DOCK2: variants seen among roughly 807,000 people sequenced by gnomAD.
DOCK2 encodes the protein dedicator of cytokinesis protein 2.
Under a neutral mutation model 248.9 loss-of-function variants are expected in DOCK2, and 87 were observed. That is an observed-to-expected ratio of 0.35 (90% CI 0.29 to 0.42). The LOEUF (loss-of-function observed/expected upper bound fraction) is 0.42, where lower values mean the gene tolerates loss of function less well. Ranked by LOEUF, DOCK2 falls within the 10% of genes least tolerant of loss-of-function variation. The probability of loss-of-function intolerance (pLI) is 1.00; values close to 1 mark genes in which losing one functional copy is unlikely to be tolerated. For synonymous variants in DOCK2, 805 were observed against 821.6 expected (o/e 0.98, Z 0.35); for missense variants, 1,747 against 2,300.2 (o/e 0.76, Z 4.92).
chr5:169,640,111 G>A (rs1001308491), intron 1 of DOCK2, among the ~76,000 whole-genome samples: 1 of 152,154 alleles, frequency 6.6e-6, no homozygotes, highest in Non-Finnish European at 1.5e-5. Context: ...CACCCTAAAG[G>A]ACTCATTTTA....
intron 27 of DOCK2, among the ~76,000 whole-genome samples, chr5:169,971,244 A>C (rs373840847): frequency 4.6e-5 from 7 of 151,982 alleles, no homozygotes; most frequent in Admixed American, 2.0e-4. Context: ...TGAATCAATG[A>C]AGTATCATTC....
chr5:169,701,338 A>G (rs1366938753), intron 13 of DOCK2, among the ~76,000 whole-genome samples: 3 of 152,062 alleles, frequency 2.0e-5, no homozygotes, highest in Non-Finnish European at 2.9e-5. Context: ...TGTGTCTTAA[A>G]CCTGTGTCTT....
At chr5:169,845,160 A>G (rs556308388) in intron 27 of DOCK2, among the ~76,000 whole-genome samples, 60 of 148,618 alleles carry the variant, frequency 4.0e-4, no homozygotes, top group African/African-American at 1.4e-3. Context: ...CTGCCATCCT[A>G]GATCTCAAGC....
At chr5:170,023,521 C>G (rs955734724) in intron 33 of DOCK2, among the ~76,000 whole-genome samples, 34 of 152,210 alleles carry the variant, frequency 2.2e-4, no homozygotes, top group African/African-American at 7.0e-4. Flanking sequence ...TATTTAACCT[C>G]TCTCAGCCTC....
intron 30 of DOCK2, among the ~76,000 whole-genome samples, chr5:170,003,040 T>G (rs892764285): frequency 2.6e-5 from 4 of 152,190 alleles, no homozygotes; most frequent in Non-Finnish European, 5.9e-5. Flanking sequence ...GAGCATGGAA[T>G]TAGAGATACA....
At chr5:169,676,256 AAGATCCTAT>A (rs1759329956) in intron 6 of DOCK2, among the ~76,000 whole-genome samples, 1 of 152,048 alleles carries the variant, frequency 6.6e-6, no homozygotes, top group Non-Finnish European at 1.5e-5. Flanking sequence ...CCTATTGTGG[AAGATCCTAT>A]AGATGTTGAC....
At chr5:170,041,633 C>A (rs1756522491) in intron 37 of DOCK2, among the ~76,000 whole-genome samples, 1 of 152,196 alleles carries the variant, frequency 6.6e-6, no homozygotes, top group Admixed American at 6.5e-5. Context: ...AATTGCAGCC[C>A]AGCATCTCTC....
At chr5:169,913,535 A>G (rs1774718032) in intron 27 of DOCK2, among the ~76,000 whole-genome samples, 1 of 152,228 alleles carries the variant, frequency 6.6e-6, no homozygotes, top group Admixed American at 6.5e-5. Flanking sequence ...TGCATTACTC[A>G]AAAGGAGCTC....
intron 25 of DOCK2, among the ~76,000 whole-genome samples, chr5:169,802,241 A>G (rs1255821203): frequency 1.3e-5 from 2 of 152,194 alleles, no homozygotes; most frequent in Non-Finnish European, 2.9e-5. Flanking sequence ...AGCTCACTGC[A>G]ACCTCCATTT....
chr5:169,818,931 A>G (rs923125189), intron 26 of DOCK2, among the ~76,000 whole-genome samples: 5 of 152,190 alleles, frequency 3.3e-5, no homozygotes, highest in African/African-American at 1.2e-4. Flanking sequence ...TTAATTATTC[A>G]TGCATACTTT....
rs115280224 is a variant in DOCK2 at position 169,940,079 on chromosome 5, G to A, written c.2800-42989G>A. Among the ~76,000 whole-genome samples, 249 of 152,314 alleles carry A rather than the reference G, an allele frequency of 1.6e-3. 2 individuals carry two copies. Among genetic ancestry groups the A allele is most frequent in the African/African-American group, 5.7e-3 (237 of 41,562 alleles). ...CATCTAGAGCCCTGGTGACGGCTGT[G>A]GGTGGGGAGAGGGGTGATTAGGGTC... On this transcript the variant is annotated intron_variant, in intron 27 of 51. Transcript: ENST00000520908.
chr5:169,978,661 T>C (rs1220474942), intron 27 of DOCK2, among the ~76,000 whole-genome samples: 1 of 152,068 alleles, frequency 6.6e-6, no homozygotes, highest in African/African-American at 2.4e-5. Flanking sequence ...CTCACTCTTT[T>C]CCTTTGGAGC....
At chr5:169,687,404 C>T (rs1442230662) in intron 8 of DOCK2, among the ~76,000 whole-genome samples, 5 of 152,110 alleles carry the variant, frequency 3.3e-5, no homozygotes, top group African/African-American at 7.2e-5. Flanking sequence ...CCTGCTTGAA[C>T]TCTGCTCAGT....
intron 1 of DOCK2, among the ~76,000 whole-genome samples, chr5:169,642,819 C>G (rs557749630): frequency 2.6e-5 from 4 of 152,194 alleles, no homozygotes; most frequent in Admixed American, 2.6e-4. Context: ...TTTGAATGAG[C>G]CTTGAAGACA....
At position 169,965,823 on chromosome 5, in the gene DOCK2, A is replaced by G. The variant is rs180917781; in HGVS notation, c.2800-17245A>G. 5.8e-3 allele frequency among the ~76,000 whole-genome samples: 886 copies of G among 152,302 alleles called. 3 individuals are homozygous for G. Among genetic ancestry groups the G allele is most frequent in the Non-Finnish European group, 8.4e-3 (573 of 68,024 alleles). On this transcript the variant is annotated intron_variant, in intron 27 of 51. Transcript: ENST00000520908. Reference sequence around the variant, plus strand: ...CTATAGAGGTTAAAATATTCACCCAAAATCATTTAACTCATTGATGGCAAA... The same window carrying G: ...CTATAGAGGTTAAAATATTCACCCAGAATCATTTAACTCATTGATGGCAAA...
At chr5:169,849,829 ACT>A (rs1770526863) in intron 27 of DOCK2, among the ~76,000 whole-genome samples, 1 of 152,012 alleles carries the variant, frequency 6.6e-6, no homozygotes, top group African/African-American at 2.4e-5. Flanking sequence ...AGACCTTTCA[ACT>A]CTAAATGCTT....
chr5:169,912,832 G>A (rs1165893748), intron 27 of DOCK2, among the ~76,000 whole-genome samples: 2 of 152,060 alleles, frequency 1.3e-5, no homozygotes, highest in Non-Finnish European at 2.9e-5. Context: ...TTTTTTCTAG[G>A]AGGTACTTCT....
intron 29 of DOCK2, among the ~76,000 whole-genome samples, chr5:169,990,959 G>A (rs747149542): frequency 3.9e-5 from 6 of 152,262 alleles, no homozygotes; most frequent in African/African-American, 4.8e-5. Flanking sequence ...AACAACAACA[G>A]CTGACATGTA....
intron 27 of DOCK2, among the ~76,000 whole-genome samples, chr5:169,844,718 T>A (rs765263004): frequency 6.6e-6 from 1 of 150,594 alleles, no homozygotes; most frequent in East Asian, 2.0e-4. Context: ...ATTGATCACA[T>A]TTTCATGTGC....
Sources: gnomAD v4.1 joint callset for allele counts (sites outside exome capture counted in the v4.1 genomes callset) on GRCh38, gnomAD v4.1.1 for gene constraint, MANE v1.5 for transcripts, NCBI Gene and HGNC (gene_info 2026-07-23, HGNC 2026-07-21) for gene names.